Variants in TSBP1 observed in about 807,000 individuals in gnomAD.
TSBP1 encodes the protein testis expressed basic protein 1.
Under a neutral mutation model 68.8 loss-of-function variants are expected in TSBP1, and 56 were observed. The ratio of observed to expected loss-of-function variants is 0.81; its 90% confidence interval spans 0.66 to 1.02. The LOEUF (loss-of-function observed/expected upper bound fraction) is 1.02. Ranked by LOEUF, TSBP1 falls within the 50% of genes least tolerant of loss-of-function variation. TSBP1 has a pLI of 0.00. For missense variants in TSBP1, 502 were observed against 641.2 expected, an observed-to-expected ratio of 0.78 and a Z score of 2.34; for synonymous variants, 171 against 208.7, an observed-to-expected ratio of 0.82 and a Z score of 1.56.
Position 32,365,991 on chromosome 6 carries a change from A to C in TSBP1, c.217+176T>G. Reference sequence around the variant, plus strand: ...GAGAGGAATTGCATAGCTTTGGGGAAAATGGTGCCTCATAGCGTGATGGTG... The same window carrying C: ...GAGAGGAATTGCATAGCTTTGGGGACAATGGTGCCTCATAGCGTGATGGTG... On this transcript the variant is annotated intron_variant, in intron 6 of 22. Coordinates refer to ENST00000612031, the Ensembl canonical transcript of TSBP1. This position sits in a 1 kb window ranked among gnomAD's most constrained non-coding sequence, Gnocchi z 4.3. 1 of 971,988 alleles carries C rather than the reference A, an allele frequency of 1.0e-6. No individual in the cohort carries two copies. The highest frequency in any genetic ancestry group is 1.4e-5 in the South Asian group (1 of 71,952). The allele number at this position is 971,988 out of a possible 1,614,324, so 60.2% of individuals were successfully genotyped here.
chr6:32,334,893 G>A (rs1393177551), intron 14 of TSBP1, among the ~76,000 whole-genome samples: 1 of 152,114 alleles, frequency 6.6e-6, no homozygotes, highest in Non-Finnish European at 1.5e-5. Context: ...AATTAGCCGG[G>A]CGTGGTGGTG....
intron 20 of TSBP1, 147 bp from the exon 24 acceptor site, chr6:32,300,847 T>A: frequency 2.9e-6 from 2 of 701,164 alleles, no homozygotes; most frequent in South Asian, 3.5e-5. Flanking sequence ...CCCTTCCCCC[T>A]TCTCTTTGCC....
chr6:32,325,964 A>C lies in TSBP1; in HGVS notation c.515-2350T>G. 6.4e-7 allele frequency: 1 copy of C among 1,558,112 alleles called. No individual in the cohort carries two copies. Among genetic ancestry groups the C allele is most frequent in the Non-Finnish European group, 8.7e-7 (1 of 1,143,972 alleles). On this transcript the variant is annotated intron_variant, in intron 16 of 22. Coordinates refer to ENST00000612031, the Ensembl canonical transcript of TSBP1. The surrounding 1 kb of genome is among the most constrained non-coding windows in gnomAD (Gnocchi z 4.4). ...GATGGCTATAATGGATTTGGTAATG[A>C]TGGGAGCAATTTTGGAGGTGGTGGA...
At position 32,335,320 on chromosome 6, in the gene TSBP1, G is replaced by A; in HGVS notation, c.472+117C>T. 1.1e-6 allele frequency: 1 copy of A among 883,910 alleles called. No individual in the cohort carries two copies. Among genetic ancestry groups the A allele is most frequent in the Non-Finnish European group, 1.6e-6 (1 of 625,832 alleles). 54.8% of individuals were successfully genotyped at this position (883,910 alleles called of 1,614,324 possible). A position where few individuals can be genotyped will look rare whatever the true frequency, so the allele number is the denominator to read the frequency against. ...AATCTGGAGTACTGGGTGAGATTAT[G>A]AGGTGGCAGAAGGACTTGATCCTTG... is the stretch of plus-strand genomic sequence containing the variant. On this transcript the variant is annotated intron_variant, in intron 14 of 22. Transcript: ENST00000612031. This position sits in a 1 kb window ranked among gnomAD's most constrained non-coding sequence, Gnocchi z 5.5.
chr6:32,329,053 C>T (rs1768609023), intron 16 of TSBP1, among the ~76,000 whole-genome samples: 1 of 152,150 alleles, frequency 6.6e-6, no homozygotes, highest in South Asian at 2.1e-4. Flanking sequence ...CTCTTCTTTA[C>T]TAGGGCTGTT....
At position 32,331,967 on chromosome 6, in the gene TSBP1, G is replaced by C. The variant is rs147551212; in HGVS notation, c.493+67C>G. On this transcript the variant is annotated intron_variant, in intron 15 of 22. Transcript: ENST00000612031. ...CTTTAACCCAGATACTTAAACAGTT[G>C]GAGCCAGTCTCCTTCAGACATAGTA... 8,282 of 1,106,486 alleles carry C rather than the reference G, an allele frequency of 7.5e-3. 153 individuals are homozygous for C. The highest frequency in any genetic ancestry group is 0.018 in the South Asian group (1,435 of 78,400). The allele number at this position is 1,106,486 out of a possible 1,614,324, so 68.5% of individuals were successfully genotyped here.
intron 6 of TSBP1, among the ~76,000 whole-genome samples, chr6:32,359,155 A>G (rs1772702120): frequency 6.9e-6 from 1 of 144,862 alleles, no homozygotes; most frequent in African/African-American, 2.6e-5. Context: ...CTTTGGGTAT[A>G]TACCCAGTAA....
At chr6:32,322,966 G>C (rs1285841947) in intron 18 of TSBP1, 151 bp downstream of exon 19, 4 of 582,448 alleles carry the variant, frequency 6.9e-6, no homozygotes, top group African/African-American at 5.7e-5. Context: ...TGCTAGCTTA[G>C]TCCCACTTTT....
At position 32,306,513 on chromosome 6, in the gene TSBP1, GTC is replaced by G. The variant is rs1436300917; in HGVS notation, c.581-3886_581-3885del. Among the ~76,000 whole-genome samples, 1 of 152,008 alleles carries G rather than the reference GTC, an allele frequency of 6.6e-6. No homozygotes were observed. The highest frequency in any genetic ancestry group is 2.4e-5 in the African/African-American group (1 of 41,370). ...TCTGCTTTTCATCCCACCAACCCTT[GTC>G]TCTCATGTCTGGCTTTTCAGCTGCA... is the stretch of plus-strand genomic sequence containing the variant. On this transcript the variant is annotated intron_variant, in intron 19 of 22. Coordinates refer to ENST00000612031, the Ensembl canonical transcript of TSBP1. The surrounding 1 kb of genome is among the most constrained non-coding windows in gnomAD (Gnocchi z 5.1).
At chr6:32,312,209 A>G (rs1766477135) in intron 19 of TSBP1, among the ~76,000 whole-genome samples, 1 of 152,204 alleles carries the variant, frequency 6.6e-6, no homozygotes, top group Admixed American at 6.5e-5. Context: ...AGATGACATC[A>G]AAGGACAGTC....
chr6:32,300,858 C>T (rs897772420), intron 20 of TSBP1, among the ~76,000 whole-genome samples, 158 bp from the exon 24 acceptor site: 1 of 152,134 alleles, frequency 6.6e-6, no homozygotes. Context: ...TCTCTTTGCC[C>T]AGTGTAGTTT....
intron 9 of TSBP1, among the ~76,000 whole-genome samples, chr6:32,348,612 C>T (rs3117123): frequency 0.76 from 115,272 of 152,042 alleles, 43,898 homozygotes; most frequent in South Asian, 0.86. Context: ...GAAGAGTAAA[C>T]ACATTTAATG....
chr6:32,344,303 G>A (rs1209087901), intron 9 of TSBP1, among the ~76,000 whole-genome samples: 3 of 112,574 alleles, frequency 2.7e-5, no homozygotes, highest in African/African-American at 1.1e-4. Flanking sequence ...ATCAATGACA[G>A]GATTTAATAA....
chr6:32,349,876 A>G, intron 8 of TSBP1, 116 bp from the exon 9 acceptor site: 3 of 1,115,400 alleles, frequency 2.7e-6, no homozygotes, highest in Non-Finnish European at 4.1e-6. Flanking sequence ...ATGAGTCACA[A>G]CTTATTTCCT....
Position 32,335,488 on chromosome 6 carries a change from C to T in TSBP1, c.452-31G>A. The stretch of plus-strand genomic sequence containing the variant: ...AAAAAAAGAGAAAAGAAATCAGTAG[C>T]TATATATATATTTTATATATACTTT... On this transcript the variant is annotated intron_variant, in intron 13 of 22. Coordinates refer to ENST00000612031, the Ensembl canonical transcript of TSBP1. The surrounding 1 kb of genome is among the most constrained non-coding windows in gnomAD (Gnocchi z 5.5). The T allele has an allele frequency of 1.5e-6, 2 of 1,339,536 alleles. No individual in the cohort carries two copies. Among genetic ancestry groups the T allele is most frequent in the Non-Finnish European group, 2.0e-6 (2 of 1,012,864 alleles). The allele number at this position is 1,339,536 out of a possible 1,614,324, so 83.0% of individuals were successfully genotyped here.
At chr6:32,363,811 G>A (rs1398016409) in intron 6 of TSBP1, among the ~76,000 whole-genome samples, 2 of 151,846 alleles carry the variant, frequency 1.3e-5, no homozygotes, top group African/African-American at 4.8e-5. Flanking sequence ...TGAATTGACT[G>A]TATATTTACC....
intron 6 of TSBP1, among the ~76,000 whole-genome samples, chr6:32,356,349 TA>T (rs1396592667): frequency 6.6e-6 from 1 of 152,194 alleles, no homozygotes; most frequent in Non-Finnish European, 1.5e-5. Context: ...TCTCCTTCCA[TA>T]CTTGGCAGTC....
At chr6:32,334,521 C>A (rs1769417362) in intron 14 of TSBP1, among the ~76,000 whole-genome samples, 1 of 152,122 alleles carries the variant, frequency 6.6e-6, no homozygotes, top group African/African-American at 2.4e-5. Flanking sequence ...TGAGAAATGA[C>A]TCCTGACCCT....
rs1769884731 is a variant in TSBP1 at position 32,338,140 on chromosome 6, A to G, written c.409+839T>C. Reference sequence around the variant, plus strand: ...GGTTAAATTTGGACCAAGTGCATTCATCTTTTTATTTCCTCTCTCAGGGCA... The same window carrying G: ...GGTTAAATTTGGACCAAGTGCATTCGTCTTTTTATTTCCTCTCTCAGGGCA... On this transcript the variant is annotated intron_variant, in intron 11 of 22. Transcript: ENST00000612031. This position sits in a 1 kb window ranked among gnomAD's most constrained non-coding sequence, Gnocchi z 5.5. 6.6e-6 allele frequency among the ~76,000 whole-genome samples: 1 copy of G among 152,202 alleles called. No homozygotes were observed. The highest frequency in any genetic ancestry group is 6.5e-5 in the Admixed American group (1 of 15,276).
Sources: gnomAD v4.1 joint callset for allele counts (sites outside exome capture counted in the v4.1 genomes callset) on GRCh38, gnomAD v4.1.1 for gene constraint, Gnocchi (gnomAD v3.1) non-coding constraint, MANE v1.5 for transcripts, NCBI Gene and HGNC (gene_info 2026-07-23, HGNC 2026-07-21) for gene names.